The following MPND variants were observed in gnomAD, a reference collection of about 807,000 sequenced individuals.
MPND encodes MPN domain-containing protein.
Under a neutral mutation model 59.2 loss-of-function variants are expected in MPND, and 56 were observed. That is an observed-to-expected ratio of 0.95 (90% CI 0.76 to 1.18). The LOEUF is 1.18. Among genes scored for constraint, MPND ranks in the 50% most tolerant of loss-of-function variants. MPND has a pLI of 0.00. For synonymous variants in MPND, 323 were observed against 291.9 expected (o/e 1.11, Z -1.09); for missense variants, 671 against 676.0 (o/e 0.99, Z 0.08).
chr19:4,348,947 G>T (rs961967103), intron 3 of MPND: 6 of 213,230 alleles, frequency 2.8e-5, no homozygotes, highest in Admixed American at 2.5e-4. Context: ...GAGCCACCAT[G>T]CCCGGCCTCT....
chr19:4,344,121 C>A, intron 2 of MPND, 127 bp downstream of exon 2: 1 of 637,606 alleles, frequency 1.6e-6, no homozygotes, highest in Non-Finnish European at 2.2e-6. Flanking sequence ...AGCTCCCTTG[C>A]TGAGAGACGA....
Position 4,359,903 on chromosome 19 carries a change from C to G in MPND, c.1420-13C>G. ...CCCCGGGCACAGCCTGAGGCCCAGC[C>G]CCCTCGTTTCAGATCTCCTTGGCCA... On this transcript the variant is annotated splice_polypyrimidine_tract_variant and intron_variant, in intron 12 of 12. Transcript: ENST00000599840. 6.4e-7 allele frequency: 1 copy of G among 1,555,302 alleles called. No homozygotes were observed.
rs76298857 is a variant in MPND, at chr19:4,359,035, T to G, written c.1327-128T>G. 9.9e-3 allele frequency: 6,292 copies of G among 638,484 alleles called. 105 individuals carry two copies. Among genetic ancestry groups the G allele is most frequent in the Middle Eastern group, 0.04 (125 of 3,164 alleles). The allele number at this position is 638,484 out of a possible 1,614,324, so 39.6% of individuals were successfully genotyped here. On this transcript the variant is annotated intron_variant, in intron 11 of 12. Coordinates refer to ENST00000599840, the MANE Select transcript of MPND (RefSeq NM_001300862.2). The stretch of plus-strand genomic sequence containing the variant: ...CCTCTGGCTAAGGTCACTCGTGATC[T>G]CTTTGTGGTTGGTTTGTTAGTGATG...
chr19:4,355,925 C>G (rs941562284), intron 8 of MPND, among the ~76,000 whole-genome samples: 12 of 150,200 alleles, frequency 8.0e-5, no homozygotes, highest in Admixed American at 6.7e-4. Context: ...GCGATCTTGG[C>G]TCACTGCAAC....
intron 5 of MPND, 84 bp downstream of exon 5, chr19:4,354,213 G>A (rs918611591): frequency 2.6e-6 from 4 of 1,523,078 alleles, no homozygotes; most frequent in Non-Finnish European, 3.6e-6. Flanking sequence ...AGGGGTGGGG[G>A]GTGGGACAGA....
chr19:4,359,803 G>A (rs2144845885), intron 12 of MPND, 113 bp from the exon 13 acceptor site: 1 of 793,342 alleles, frequency 1.3e-6, no homozygotes, highest in African/African-American at 1.7e-5. Context: ...CCAGCCCTGT[G>A]CCTCGGTCTC....
chr19:4,352,464 C>T (rs750076668), intron 3 of MPND, among the ~76,000 whole-genome samples: 2 of 152,182 alleles, frequency 1.3e-5, no homozygotes, highest in South Asian at 2.1e-4. Flanking sequence ...GTGGGTGGAT[C>T]ACCTGAGGTC....
chr19:4,354,956 A>G lies in MPND; in HGVS notation c.854A>G (p.His285Arg), dbSNP rs1972400407. ...TGTTCCTCCCTTCCCCAGGACTTCC[A>G]CAGTCACCTGACACGGAGTGAGGTC... is the stretch of plus-strand genomic sequence containing the variant. ...SSNVLFLLDF[H>R]SHLTRSEVVG... The change falls in exon 7 of 13, where the codon CAC becomes CGC. Residue 285 changes from histidine to arginine, a missense_variant. By Grantham distance (29) the His-to-Arg change is conservative. Coordinates refer to ENST00000599840, the MANE Select transcript of MPND (RefSeq NM_001300862.2). The G allele has an allele frequency of 6.3e-7, 1 of 1,591,088 alleles. No individual in the cohort carries two copies. The highest frequency in any genetic ancestry group is 1.1e-5 in the South Asian group (1 of 88,384).
chr19:4,346,011 GC>G (rs777635476), intron 3 of MPND, 30 bp downstream of exon 3: 1 of 1,581,066 alleles, frequency 6.3e-7, no homozygotes, highest in Admixed American at 1.8e-5. Context: ...CCAGGAAGCC[GC>G]CCAGGTCACT....
At chr19:4,346,074 G>A in intron 3 of MPND, 93 bp downstream of exon 3, 2 of 1,069,468 alleles carry the variant, frequency 1.9e-6, no homozygotes, top group Non-Finnish European at 2.7e-6. Flanking sequence ...GGAGGTATTA[G>A]TAATATATAC....
In MPND at chr19:4,343,899, G is replaced by A; in HGVS notation, c.199G>A (p.Gly67Arg). 1.6e-6 allele frequency: 2 copies of A among 1,256,832 alleles called. No individual in the cohort carries two copies. The highest frequency in any genetic ancestry group is 3.3e-5 in the South Asian group (1 of 30,610). 77.9% of individuals were successfully genotyped at this position (1,256,832 alleles called of 1,614,324 possible). A position where few individuals can be genotyped will look rare whatever the true frequency, so the allele number is the denominator to read the frequency against. The change falls in exon 2 of 13, where the codon GGG becomes AGG. Residue 67 changes from glycine (G) to arginine (R), a missense_variant. Transcript: ENST00000599840. Reference sequence around the variant, plus strand: ...CGGGGCGGGGGGCTGCGGCGGGCCCGGGGGCGCGCTCACCAGGCGCGCGGT... The same window carrying A: ...CGGGGCGGGGGGCTGCGGCGGGCCCAGGGGCGCGCTCACCAGGCGCGCGGT... ...GAGAGGCGGPGGALTRRAVTL... is the reference protein window; with the variant it reads ...GAGAGGCGGPRGALTRRAVTL...
rs1349787282 is a variant in MPND at position 4,357,564 on chromosome 19, C to G, written c.1215C>G (p.Phe405Leu). 2 of 1,613,016 alleles carry G rather than the reference C, an allele frequency of 1.2e-6. No homozygotes were observed. Among genetic ancestry groups the G allele is most frequent in the Non-Finnish European group, 1.7e-6 (2 of 1,179,556 alleles). Residue 405 changes from phenylalanine to leucine, a missense_variant, in exon 10 of 13, where the codon TTC (phenylalanine) becomes TTG (leucine). Transcript: ENST00000599840. ...NPGPESKISP[F>L]WVMPPPEQRP... ...GCCCCGAGTCCAAGATCTCACCTTT[C>G]TGGGTGATGCCTCCTCCCGAGGTAG...
At position 4,357,297 on chromosome 19, in the gene MPND, G is replaced by A. The variant is rs1187632886; in HGVS notation, c.1041G>A (p.Trp347Ter). Residue 347 changes from tryptophan (W) to a stop codon, truncating the protein, a stop_gained, in exon 9 of 13, where the codon TGG becomes TGA. Transcript: ENST00000599840. LOFTEE classifies it high-confidence loss of function. ...LFLRGLSLVG[W>*]YHSHPHSPAL... is the part of the protein sequence containing the mutation. ...TGCGGGGCCTGTCCCTGGTGGGCTG[G>A]TACCACAGCCACCCACACAGCCCGG... 6.2e-7 allele frequency: 1 copy of A among 1,612,798 alleles called. No individual in the cohort carries two copies. The highest frequency in any genetic ancestry group is 1.3e-5 in the African/African-American group (1 of 75,060).
At chr19:4,344,042 G>T in intron 2 of MPND, 48 bp downstream of exon 2, 1 of 1,234,214 alleles carries the variant, frequency 8.1e-7, no homozygotes, top group South Asian at 2.6e-5. Context: ...GCAGGAAGGG[G>T]AAACTGAGGC....
intron 3 of MPND, chr19:4,348,625 C>T (rs778132983): frequency 6.6e-6 from 1 of 151,766 alleles, no homozygotes; most frequent in East Asian, 1.9e-4. Context: ...TCTTGCAGGA[C>T]AGCAGTAAGC....
At chr19:4,345,482 A>T (rs1972165523) in intron 2 of MPND, among the ~76,000 whole-genome samples, 1 of 152,154 alleles carries the variant, frequency 6.6e-6, no homozygotes, top group Non-Finnish European at 1.5e-5. Flanking sequence ...TGATCAAGAC[A>T]GACAGACCCT....
At chr19:4,352,843 G>GGA in intron 3 of MPND, 54 bp from the exon 4 acceptor site, 2 of 1,312,490 alleles carry the variant, frequency 1.5e-6, no homozygotes, top group African/African-American at 3.0e-5. Context: ...GCAGGGAGCG[G>GGA]GGGGGCACCC....
chr19:4,354,992 TG>T lies in MPND; in HGVS notation c.896del (p.Gly299AlafsTer10). On this transcript the variant is annotated frameshift_variant, in exon 7 of 13. Transcript: ENST00000599840. LOFTEE classifies it high-confidence loss of function. ...HLTRSEVVGY[L>X]GGRWDVNSQM... ...ACACGGAGTGAGGTCGTGGGTTACC[TG>T]GGGGGCCGCTGGGACGTCAACAGCC... 2 of 1,417,854 alleles carry T rather than the reference TG, an allele frequency of 1.4e-6. No homozygotes were observed. The highest frequency in any genetic ancestry group is 1.9e-6 in the Non-Finnish European group (2 of 1,075,546). The allele number at this position is 1,417,854 out of a possible 1,614,324, so 87.8% of individuals were successfully genotyped here. A position where few individuals can be genotyped will look rare whatever the true frequency, so the allele number is the denominator to read the frequency against.
In MPND at chr19:4,357,548, C is replaced by A; in HGVS notation, c.1199C>A (p.Ser400Tyr). 6.2e-7 allele frequency: 1 copy of A among 1,613,708 alleles called. No individual in the cohort carries two copies. Among genetic ancestry groups the A allele is most frequent in the Non-Finnish European group, 8.5e-7 (1 of 1,179,848 alleles). ...TATTCTGGCAACCCAGGCCCCGAGT[C>A]CAAGATCTCACCTTTCTGGGTGATG... The part of the protein sequence containing the change: ...PYYSGNPGPE[S>Y]KISPFWVMPP... Residue 400 changes from serine (S) to tyrosine (Y), a missense_variant, in exon 10 of 13, where the codon TCC becomes TAC. By Grantham distance (144) the Ser-to-Tyr change is moderately radical. Coordinates refer to ENST00000599840, the MANE Select transcript of MPND (RefSeq NM_001300862.2).
Sources: allele counts gnomAD v4.1 joint callset (sites outside exome capture counted in the v4.1 genomes callset), GRCh38; gene constraint gnomAD v4.1.1; transcripts MANE v1.5; gene names NCBI Gene and HGNC (gene_info 2026-07-23, HGNC 2026-07-21).